The following CTNNAL1 variants were observed in gnomAD, a reference collection of about 807,000 sequenced individuals.
CTNNAL1 encodes alpha-catulin.
Under a neutral mutation model 93.6 loss-of-function variants are expected in CTNNAL1, and 69 were observed. The observed-to-expected ratio is 0.74, with a 90% CI of 0.61 to 0.90. The LOEUF (loss-of-function observed/expected upper bound fraction) is 0.90. Ranked by LOEUF, CTNNAL1 falls within the 40% of genes least tolerant of loss-of-function variation. The pLI is 0.00. For synonymous variants in CTNNAL1, 286 were observed against 305.4 expected (o/e 0.94, Z 0.66); for missense variants, 836 against 862.0 (o/e 0.97, Z 0.38).
chr9:108,945,628 GT>G (rs11287261), intron 15 of CTNNAL1, among the ~76,000 whole-genome samples: 123,372 of 140,382 alleles, frequency 0.88, 54,180 homozygotes, highest in East Asian at 0.97. Flanking sequence ...TGCCCCGCTA[GT>G]TTTTTTTTTT....
intron 1 of CTNNAL1, among the ~76,000 whole-genome samples, chr9:109,005,967 A>G (rs571971048): frequency 1.9e-4 from 29 of 152,326 alleles, no homozygotes; most frequent in Non-Finnish European, 3.2e-4. Flanking sequence ...AGAGGAACTA[A>G]GTCAATATGT....
chr9:108,971,197 G>T (rs1005457819), intron 9 of CTNNAL1, among the ~76,000 whole-genome samples: 1 of 152,090 alleles, frequency 6.6e-6, no homozygotes, highest in Non-Finnish European at 1.5e-5. Context: ...TGGCTCCTAT[G>T]TAAACAAGTA....
At chr9:108,950,510 A>G (rs540433114) in intron 14 of CTNNAL1, 1 of 1,549,050 alleles carries the variant, frequency 6.5e-7, no homozygotes, top group East Asian at 2.4e-5. Context: ...TTTCCAGAGA[A>G]TTATCTATCT....
rs1356430664 is a variant in CTNNAL1, at chr9:108,976,954, A to G, written c.1188+8T>C. 2.3e-6 allele frequency: 3 copies of G among 1,284,716 alleles called. No homozygotes were observed. The allele number at this position is 1,284,716 out of a possible 1,614,324, so 79.6% of individuals were successfully genotyped here. On this transcript the variant is annotated splice_region_variant and intron_variant, in intron 8 of 18. Transcript: ENST00000325551. ...ATTAGAAGAGGCTAAATTTCAAACT[A>G]TACTTACTTCTTTCTTAAGTTCATT... is the stretch of plus-strand genomic sequence containing the variant.
At position 108,980,104 on chromosome 9, in the gene CTNNAL1, TC is replaced by T; in HGVS notation, c.901-624del. On this transcript the variant is annotated intron_variant, in intron 6 of 18. Transcript: ENST00000325551. ...ACTGCCACCTCCCTCTAATAGTTCC[TC>T]GCCATCTATAGAGAATCAAGCCCAA... 2.0e-5 allele frequency among the ~76,000 whole-genome samples: 3 copies of T among 152,324 alleles called. No individual in the cohort carries two copies. The South Asian group carries it at 6.2e-4, about 32-fold the overall frequency.
At chr9:108,968,103 C>T (rs1228011805) in intron 10 of CTNNAL1, among the ~76,000 whole-genome samples, 4 of 152,180 alleles carry the variant, frequency 2.6e-5, no homozygotes, top group Non-Finnish European at 5.9e-5. Flanking sequence ...ACATAACTTG[C>T]CATGGACTAC....
intron 1 of CTNNAL1, among the ~76,000 whole-genome samples, chr9:109,000,551 T>A (rs1051320015): frequency 6.6e-6 from 1 of 152,118 alleles, no homozygotes; most frequent in Non-Finnish European, 1.5e-5. Context: ...GTTAGGATAG[T>A]GTGATATAAA....
intron 8 of CTNNAL1, 22 bp from the exon 9 acceptor site, chr9:108,972,855 G>C: frequency 7.9e-6 from 6 of 758,186 alleles, no homozygotes; most frequent in Non-Finnish European, 1.2e-5. Flanking sequence ...TGTGTGGGTG[G>C]GGGGGTGGGA....
Position 109,013,404 on chromosome 9 carries a change from G to C in CTNNAL1, c.39C>G (p.Ala13=), listed in dbSNP as rs914242630. The C allele has an allele frequency of 5.4e-6, 8 of 1,491,852 alleles. No homozygotes were observed. The highest frequency in any genetic ancestry group is 2.9e-5 in the African/African-American group (2 of 68,304). 92.4% of individuals were successfully genotyped at this position (1,491,852 alleles called of 1,614,324 possible). A position where few individuals can be genotyped will look rare whatever the true frequency, so the allele number is the denominator to read the frequency against. ...AAGAGCCGGAGCCGTAGACTGCTCC[G>C]GCGCCGCCAACGCCGGCGGGTCCGG... ...ASPGPAGVGG[A]GAVYGSGSSG... The change falls in exon 1 of 19, where the codon GCC becomes GCG. Residue 13 remains alanine (A), a synonymous_variant. Coordinates refer to ENST00000325551, the MANE Select transcript of CTNNAL1 (RefSeq NM_003798.4).
chr9:108,972,865 A>AC, intron 8 of CTNNAL1, 32 bp from the exon 9 acceptor site: 204 of 219,198 alleles, frequency 9.3e-4, no homozygotes, highest in Non-Finnish European at 1.1e-3. Context: ...GGGGGGTGGG[A>AC]GGGTGGAGAA....
intron 8 of CTNNAL1, 31 bp from the exon 9 acceptor site, chr9:108,972,864 G>GGGGCGCCCCCCCC: frequency 6.3e-5 from 9 of 142,518 alleles, no homozygotes; most frequent in Non-Finnish European, 7.0e-5. Context: ...GGGGGGGTGG[G>GGGGCGCCCCCCCC]AGGGTGGAGA....
In CTNNAL1 at chr9:108,992,788, G is replaced by A. The variant is rs1420185423; in HGVS notation, c.363C>T (p.Thr121=). The A allele has an allele frequency of 2.5e-6, 4 of 1,612,910 alleles. No homozygotes were observed. In the South Asian group the frequency reaches 3.3e-5, roughly 13 times the overall value. Residue 121 remains threonine, a synonymous_variant, in exon 3 of 19, where the codon ACC becomes ACT. Transcript: ENST00000325551. ...CATCAGATTCCAGATGGTTCAAGTT[G>A]GTTATGTCTGTAAGTGCTGCAATTG... ...GETIAALTDI[T]NLNHLESDGQ...
chr9:108,965,362 G>C lies in CTNNAL1; in HGVS notation c.1591+16C>G. The C allele has an allele frequency of 2.9e-6, 4 of 1,399,082 alleles. No individual in the cohort carries two copies. Among genetic ancestry groups the C allele is most frequent in the Non-Finnish European group, 2.8e-6 (3 of 1,065,072 alleles). 86.7% of individuals were successfully genotyped at this position (1,399,082 alleles called of 1,614,324 possible). On this transcript the variant is annotated intron_variant, in intron 11 of 18. Coordinates refer to ENST00000325551, the MANE Select transcript of CTNNAL1 (RefSeq NM_003798.4). Reference sequence around the variant, plus strand: ...TTAAAATAATAACATATTTCATTATGTGGACAGTTTCTCACCTCGTCTTCC... The same window carrying C: ...TTAAAATAATAACATATTTCATTATCTGGACAGTTTCTCACCTCGTCTTCC...
At chr9:108,969,576 T>C (rs1831051418) in intron 10 of CTNNAL1, among the ~76,000 whole-genome samples, 1 of 152,220 alleles carries the variant, frequency 6.6e-6, no homozygotes. Flanking sequence ...GGTTGCTAAT[T>C]CTGGTTATCA....
At position 108,988,533 on chromosome 9, in the gene CTNNAL1, T is replaced by C. The variant is rs189768021; in HGVS notation, c.639+2193A>G. Among the ~76,000 whole-genome samples the C allele has an allele frequency of 7.9e-4, 121 of 152,356 alleles. 3 individuals carry two copies. In the East Asian group the frequency reaches 0.022, roughly 28 times the overall value. On this transcript the variant is annotated intron_variant, in intron 4 of 18. Transcript: ENST00000325551. ...GGCAGCTAGAGTGATACTGTTAAAATGTAAGTCAGAAAACGTCATTCTCCT... is the reference window on the plus strand; with the variant it reads ...GGCAGCTAGAGTGATACTGTTAAAACGTAAGTCAGAAAACGTCATTCTCCT...
At chr9:108,957,612 G>A (rs922745576) in intron 11 of CTNNAL1, among the ~76,000 whole-genome samples, 4 of 152,060 alleles carry the variant, frequency 2.6e-5, no homozygotes, top group Non-Finnish European at 5.9e-5. Flanking sequence ...AGAATGGTGA[G>A]GGGAAAAAAC....
chr9:108,977,167 T>C (rs535929604), intron 7 of CTNNAL1, 119 bp from the exon 8 acceptor site: 22 of 455,422 alleles, frequency 4.8e-5, no homozygotes, highest in African/African-American at 4.1e-4. Flanking sequence ...ACTATAAAAG[T>C]AGATTTTCAA....
At chr9:108,987,964 T>A (rs932803830) in intron 4 of CTNNAL1, among the ~76,000 whole-genome samples, 4 of 152,232 alleles carry the variant, frequency 2.6e-5, no homozygotes, top group Non-Finnish European at 4.4e-5. Context: ...TACAATCATG[T>A]CATCTGCAAA....
chr9:109,013,150 C>G (rs1024491770), intron 1 of CTNNAL1, 152 bp downstream of exon 1: 7 of 1,015,396 alleles, frequency 6.9e-6, no homozygotes, highest in Non-Finnish European at 6.7e-6. Context: ...AGGCCCGTCC[C>G]GGAGCCCCAC....
Sources: gnomAD v4.1 joint callset for allele counts (sites outside exome capture counted in the v4.1 genomes callset) on GRCh38, gnomAD v4.1.1 for gene constraint, MANE v1.5 for transcripts, NCBI Gene and HGNC (gene_info 2026-07-23, HGNC 2026-07-21) for gene names.